The following CCBE1 variants were observed in gnomAD, a reference collection of about 807,000 sequenced individuals.
The protein encoded by CCBE1 is collagen and calcium-binding EGF domain-containing protein 1.
In CCBE1, 37 loss-of-function variants were observed where a neutral mutation model predicts 50.0. The observed-to-expected ratio is 0.74, with a 90% CI of 0.57 to 0.97. CCBE1 has a LOEUF of 0.97. Among genes scored for constraint, CCBE1 ranks in the 50% least tolerant of loss-of-function variants. CCBE1 has a pLI of 0.00. For missense variants in CCBE1, 538 were observed against 523.8 expected, an observed-to-expected ratio of 1.03 and a Z score of -0.26; for synonymous variants, 234 against 203.7, an observed-to-expected ratio of 1.15 and a Z score of -1.27.
In CCBE1 at chr18:59,436,149, C is replaced by T; in HGVS notation, c.988-8G>A. 6.2e-7 allele frequency: 1 copy of T among 1,613,298 alleles called. No homozygotes were observed. Among genetic ancestry groups the T allele is most frequent in the Non-Finnish European group, 8.5e-7 (1 of 1,179,322 alleles). ...GAAAGAACCAGGGGGTCCCTGTGTACATGGGAGGAATCAAAGCTAGAATAC... is the reference window on the plus strand; with the variant it reads ...GAAAGAACCAGGGGGTCCCTGTGTATATGGGAGGAATCAAAGCTAGAATAC... On this transcript the variant is annotated splice_region_variant and splice_polypyrimidine_tract_variant and intron_variant, in intron 10 of 10. Transcript: ENST00000439986.
At chr18:59,607,057 GA>G (rs59954169) in intron 2 of CCBE1, among the ~76,000 whole-genome samples, 4,349 of 117,332 alleles carry the variant, frequency 0.037, 167 homozygotes, top group African/African-American at 0.11. Flanking sequence ...GTTGAATTGG[GA>G]AAAAAAAAAA....
At chr18:59,439,155 C>T (rs763624239) in intron 9 of CCBE1, among the ~76,000 whole-genome samples, 9 of 152,178 alleles carry the variant, frequency 5.9e-5, no homozygotes, top group East Asian at 1.9e-4. Flanking sequence ...GGTGTGGTGG[C>T]GGTCGCCTGT....
At chr18:59,587,926 A>G (rs1403160775) in intron 2 of CCBE1, among the ~76,000 whole-genome samples, 3 of 152,232 alleles carry the variant, frequency 2.0e-5, no homozygotes, top group South Asian at 4.1e-4. Context: ...GGAGCCAGCA[A>G]TAAGTTGGAG....
intron 2 of CCBE1, among the ~76,000 whole-genome samples, chr18:59,584,054 T>C (rs963918294): frequency 3.3e-5 from 5 of 151,940 alleles, no homozygotes; most frequent in African/African-American, 1.2e-4. Flanking sequence ...TGCACACGTA[T>C]GTTTATTGCG....
At chr18:59,592,403 G>A (rs531183805) in intron 2 of CCBE1, among the ~76,000 whole-genome samples, 4 of 152,172 alleles carry the variant, frequency 2.6e-5, no homozygotes, top group Non-Finnish European at 5.9e-5. Flanking sequence ...CTGGTTCTAA[G>A]CATTTTGAAA....
chr18:59,551,767 A>G (rs778332687), intron 2 of CCBE1, among the ~76,000 whole-genome samples: 11 of 152,232 alleles, frequency 7.2e-5, no homozygotes, highest in African/African-American at 2.7e-4. Flanking sequence ...AGGGGAATTC[A>G]AAGTCAGAAA....
chr18:59,434,745 T>A lies in CCBE1; in HGVS notation c.*1163A>T, dbSNP rs1216110452. On this transcript the variant is annotated 3_prime_UTR_variant, in exon 11 of 11. Transcript: ENST00000439986. ...AGTTTTTGCAAACAAGGAAAACCAC[T>A]ATTTTTTTTTCTCCCCATCCAAGAT... 1 of 152,206 alleles carries A rather than the reference T, an allele frequency of 6.6e-6. No individual in the cohort carries two copies. The highest frequency in any genetic ancestry group is 1.5e-5 in the Non-Finnish European group (1 of 68,032). The allele number at this position is 152,206 out of a possible 1,614,324, so 9.4% of individuals were successfully genotyped here.
intron 6 of CCBE1, 124 bp downstream of exon 6, chr18:59,454,727 C>T: frequency 1.2e-6 from 1 of 851,708 alleles, no homozygotes. Flanking sequence ...ATGCAAACCT[C>T]ACTGGCATCA....
chr18:59,574,172 G>A (rs1241462064), intron 2 of CCBE1, among the ~76,000 whole-genome samples: 2 of 152,008 alleles, frequency 1.3e-5, no homozygotes, highest in African/African-American at 2.4e-5. Flanking sequence ...CATGTGATCT[G>A]ATTATAATAA....
At chr18:59,532,692 A>T (rs551693747) in intron 2 of CCBE1, among the ~76,000 whole-genome samples, 1 of 152,390 alleles carries the variant, frequency 6.6e-6, no homozygotes, top group Admixed American at 6.5e-5. Flanking sequence ...ACTTGGATTA[A>T]TTATAATGAT....
intron 2 of CCBE1, among the ~76,000 whole-genome samples, chr18:59,610,770 C>G (rs1485094578): frequency 7.6e-6 from 1 of 131,762 alleles, no homozygotes; most frequent in South Asian, 2.6e-4. Context: ...GAGCCTCACA[C>G]AGAGGCCAAA....
chr18:59,696,598 G>A (rs779447376), intron 2 of CCBE1, 31 bp downstream of exon 2: 12 of 1,612,560 alleles, frequency 7.4e-6, no homozygotes, highest in African/African-American at 4.0e-5. Flanking sequence ...GGTGCGCAGT[G>A]GCGAACAGCC....
At chr18:59,499,114 C>G (rs552601816) in intron 2 of CCBE1, among the ~76,000 whole-genome samples, 1 of 152,306 alleles carries the variant, frequency 6.6e-6, no homozygotes, top group Non-Finnish European at 1.5e-5. Context: ...ATAAAGGATT[C>G]CTTCATTTAA....
intron 2 of CCBE1, among the ~76,000 whole-genome samples, chr18:59,516,654 C>T (rs995540799): frequency 4.6e-5 from 7 of 152,208 alleles, no homozygotes; most frequent in Non-Finnish European, 8.8e-5. Context: ...TGATTTGGCT[C>T]ATTACCACGG....
Position 59,532,507 on chromosome 18 carries a change from G to A in CCBE1, c.213-52269C>T, listed in dbSNP as rs994833857. Among the ~76,000 whole-genome samples, 5 of 152,196 alleles carry A rather than the reference G, an allele frequency of 3.3e-5. No homozygotes were observed. In the East Asian group the frequency reaches 9.6e-4, roughly 29 times the overall value. On this transcript the variant is annotated intron_variant, in intron 2 of 10. Transcript: ENST00000439986. ...AAGGCCGCTGGCTGTGAAGGCTACT[G>A]GTGTTATGCTTTGAAGACTAGCTTG... is the stretch of plus-strand genomic sequence containing the variant.
chr18:59,661,495 A>G (rs1414940063), intron 2 of CCBE1, among the ~76,000 whole-genome samples: 1 of 152,230 alleles, frequency 6.6e-6, no homozygotes, highest in African/African-American at 2.4e-5. Flanking sequence ...AGAACAAGTC[A>G]ATCCTCATTA....
chr18:59,555,335 T>C (rs1001360880), intron 2 of CCBE1, among the ~76,000 whole-genome samples: 2 of 152,212 alleles, frequency 1.3e-5, no homozygotes, highest in Non-Finnish European at 2.9e-5. Flanking sequence ...AGATACATTA[T>C]AGTCAAGGCT....
chr18:59,557,934 G>T (rs1247654171), intron 2 of CCBE1, among the ~76,000 whole-genome samples: 2 of 152,202 alleles, frequency 1.3e-5, no homozygotes, highest in African/African-American at 4.8e-5. Flanking sequence ...TGGATATAAA[G>T]TTTTGTTTTT....
At chr18:59,487,713 A>C (rs528102528) in intron 2 of CCBE1, among the ~76,000 whole-genome samples, 39 of 152,242 alleles carry the variant, frequency 2.6e-4, no homozygotes, top group Non-Finnish European at 4.6e-4. Context: ...GAATCAGAAA[A>C]AGCTTGTTAG....
Sources: gnomAD v4.1 joint callset for allele counts (sites outside exome capture counted in the v4.1 genomes callset) on GRCh38, gnomAD v4.1.1 for gene constraint, MANE v1.5 for transcripts, NCBI Gene and HGNC (gene_info 2026-07-23, HGNC 2026-07-21) for gene names.